Variants in TSHZ2 observed in about 807,000 individuals in gnomAD.
TSHZ2 encodes teashirt homolog 2.
In TSHZ2, 21 loss-of-function variants were observed where a neutral mutation model predicts 74.4. That is an observed-to-expected ratio of 0.28 (90% CI 0.20 to 0.41). The LOEUF is 0.41. Among genes scored for constraint, TSHZ2 ranks in the 10% least tolerant of loss-of-function variants. The pLI, the probability that TSHZ2 is intolerant of heterozygous loss-of-function variation, is 1.00. For missense variants in TSHZ2, 1,244 were observed against 1,293.5 expected (o/e 0.96, Z 0.59); for synonymous variants, 540 against 515.3 (o/e 1.05, Z -0.65).
intron 2 of TSHZ2, among the ~76,000 whole-genome samples, chr20:53,391,491 T>A (rs1776373087): frequency 1.3e-5 from 2 of 151,676 alleles, no homozygotes; most frequent in Admixed American, 6.6e-5. Flanking sequence ...TTTTTTTTTT[T>A]TACAATCACA....
At chr20:53,421,380 G>T in intron 2 of TSHZ2, 1 of 173,580 alleles carries the variant, frequency 5.8e-6, no homozygotes, top group South Asian at 1.4e-4. Flanking sequence ...GACTTCACAC[G>T]ACTTAACGGC....
chr20:53,195,632 T>C (rs1206876286), intron 1 of TSHZ2, among the ~76,000 whole-genome samples: 3 of 152,204 alleles, frequency 2.0e-5, no homozygotes, highest in Admixed American at 2.0e-4. Flanking sequence ...ACCAGGACAG[T>C]GACCCTGACG....
In TSHZ2 at chr20:53,254,644, A is replaced by G. The variant is rs770016557; in HGVS notation, c.1186A>G (p.Thr396Ala). Residue 396 changes from threonine to alanine, a missense_variant, in exon 2 of 3, where the codon ACC (threonine) becomes GCC (alanine). By Grantham distance (58) the Thr-to-Ala change is moderately conservative. Transcript: ENST00000371497. The part of the protein sequence containing the change: ...GSSHDTLQQL[T>A]THMMVTGHFL... Reference sequence around the variant, plus strand: ...CTCCCATGACACCTTGCAGCAGCTCACCACCCACATGATGGTCACAGGTCA... The same window carrying G: ...CTCCCATGACACCTTGCAGCAGCTCGCCACCCACATGATGGTCACAGGTCA... 71 of 1,613,984 alleles carry G rather than the reference A, an allele frequency of 4.4e-5. No homozygotes were observed. Among genetic ancestry groups the G allele is most frequent in the Non-Finnish European group, 6.0e-5 (71 of 1,180,014 alleles).
intron 1 of TSHZ2, chr20:53,198,268 G>A (rs550486522): frequency 1.3e-5 from 2 of 152,246 alleles, no homozygotes; most frequent in South Asian, 4.2e-4. Flanking sequence ...GGTCATTACG[G>A]GATTTTTGTG....
intron 1 of TSHZ2, among the ~76,000 whole-genome samples, chr20:52,989,649 T>A (rs546962025): frequency 6.6e-6 from 1 of 152,224 alleles, no homozygotes; most frequent in South Asian, 2.1e-4. Context: ...GAACAACGCT[T>A]GGCGCATAAT....
chr20:53,377,603 C>T (rs1981703490), intron 2 of TSHZ2, among the ~76,000 whole-genome samples: 1 of 152,136 alleles, frequency 6.6e-6, no homozygotes, highest in African/African-American at 2.4e-5. Flanking sequence ...CTCACACCTG[C>T]AATCCCAACG....
chr20:53,160,099 GC>G (rs1987894053), intron 1 of TSHZ2, among the ~76,000 whole-genome samples: 1 of 152,152 alleles, frequency 6.6e-6, no homozygotes, highest in South Asian at 2.1e-4. Context: ...CACATAGTAG[GC>G]CCTAGGAAAT....
intron 2 of TSHZ2, among the ~76,000 whole-genome samples, chr20:53,455,875 A>G (rs1185995646): frequency 5.5e-4 from 83 of 151,916 alleles, no homozygotes; most frequent in African/African-American, 1.9e-3. Flanking sequence ...CCATGTCCCT[A>G]CAAAGGACAT....
chr20:53,231,919 C>G (rs1196888278), intron 1 of TSHZ2, among the ~76,000 whole-genome samples: 1 of 152,138 alleles, frequency 6.6e-6, no homozygotes, highest in Non-Finnish European at 1.5e-5. Flanking sequence ...GGGTCTTGCT[C>G]TGTTGCCCAG....
intron 1 of TSHZ2, among the ~76,000 whole-genome samples, chr20:53,191,752 T>G (rs1988742435): frequency 6.6e-6 from 1 of 152,248 alleles, no homozygotes; most frequent in African/African-American, 2.4e-5. Context: ...GATTGAATAT[T>G]AGGACCTGTC....
chr20:53,230,003 AAG>A (rs921593095), intron 1 of TSHZ2, among the ~76,000 whole-genome samples: 4 of 141,906 alleles, frequency 2.8e-5, no homozygotes, highest in Middle Eastern at 6.9e-3. Flanking sequence ...GGAAGACAGA[AAG>A]AGAGGAAGGG....
chr20:52,985,552 T>C (rs945571293), intron 1 of TSHZ2, among the ~76,000 whole-genome samples: 2 of 152,228 alleles, frequency 1.3e-5, no homozygotes, highest in Non-Finnish European at 2.9e-5. Context: ...GCACTTCAAA[T>C]GGTGCTTTGC....
intron 2 of TSHZ2, among the ~76,000 whole-genome samples, chr20:53,321,720 G>A (rs1979279430): frequency 7.1e-6 from 1 of 141,722 alleles, no homozygotes; most frequent in South Asian, 2.3e-4. Context: ...TCCTAAGCCA[G>A]CAGATGACAA....
intron 1 of TSHZ2, among the ~76,000 whole-genome samples, chr20:52,988,591 GA>G (rs779291534): frequency 0.019 from 2,078 of 111,524 alleles, 8 homozygotes; most frequent in African/African-American, 0.021. Flanking sequence ...TTGTGTTGTA[GA>G]AAAAAAAAAA....
At chr20:53,199,004 T>C (rs890715339) in intron 1 of TSHZ2, among the ~76,000 whole-genome samples, 3 of 152,180 alleles carry the variant, frequency 2.0e-5, no homozygotes, top group African/African-American at 7.2e-5. Flanking sequence ...CAGATCACTA[T>C]TGGAATCCCA....
At chr20:53,149,629 C>T (rs1987628389) in intron 1 of TSHZ2, among the ~76,000 whole-genome samples, 1 of 152,200 alleles carries the variant, frequency 6.6e-6, no homozygotes, top group Non-Finnish European at 1.5e-5. Flanking sequence ...AACAGGAAAC[C>T]TCTTTAATAG....
intron 1 of TSHZ2, among the ~76,000 whole-genome samples, chr20:53,208,287 A>T (rs1312967837): frequency 6.6e-6 from 1 of 152,154 alleles, no homozygotes; most frequent in Non-Finnish European, 1.5e-5. Context: ...GTGAGCAGGG[A>T]TCACACAGGC....
At chr20:53,230,101 C>T (rs1989788574) in intron 1 of TSHZ2, among the ~76,000 whole-genome samples, 1 of 152,076 alleles carries the variant, frequency 6.6e-6, no homozygotes, top group Non-Finnish European at 1.5e-5. Context: ...CTTTCCTGTT[C>T]TGTCCTCCCA....
intron 2 of TSHZ2, among the ~76,000 whole-genome samples, chr20:53,324,213 A>G (rs1488607142): frequency 6.6e-6 from 1 of 152,060 alleles, no homozygotes; most frequent in African/African-American, 2.4e-5. Flanking sequence ...ATAGAGATAT[A>G]TGAGTGAGGT....
Sources: gnomAD v4.1 joint callset for allele counts (sites outside exome capture counted in the v4.1 genomes callset) on GRCh38, gnomAD v4.1.1 for gene constraint, MANE v1.5 for transcripts, NCBI Gene and HGNC (gene_info 2026-07-23, HGNC 2026-07-21) for gene names.